SLC38A9: variants seen among roughly 807,000 people sequenced by gnomAD.
The protein encoded by SLC38A9 is neutral amino acid transporter 9.
SLC38A9 carries 48 observed loss-of-function variants against 62.3 expected under a neutral mutation model. The observed-to-expected ratio is 0.77, with a 90% CI of 0.61 to 0.98. SLC38A9 has a LOEUF of 0.98. Among genes scored for constraint, SLC38A9 ranks in the 50% least tolerant of loss-of-function variants. SLC38A9 has a pLI of 0.00. For synonymous variants in SLC38A9, 204 were observed against 227.7 expected (o/e 0.90, Z 0.94); for missense variants, 541 against 679.8 (o/e 0.80, Z 2.27).
intron 2 of SLC38A9, among the ~76,000 whole-genome samples, chr5:55,702,262 A>ATT (rs11316419): frequency 1.3e-4 from 19 of 147,652 alleles, no homozygotes; most frequent in African/African-American, 4.0e-4. Context: ...TTTAGCATTA[A>ATT]TTTTTTTTTT....
chr5:55,658,209 G>A (rs560845304), intron 8 of SLC38A9, among the ~76,000 whole-genome samples: 2 of 152,118 alleles, frequency 1.3e-5, no homozygotes, highest in Admixed American at 6.5e-5. Context: ...TGTCACCCAG[G>A]CTGGGGTAGA....
At position 55,664,138 on chromosome 5, in the gene SLC38A9, A is replaced by C. The variant is rs570193162; in HGVS notation, c.697+555T>G. ...ACATAGCAAGGCCCTGTCTCAAAAA[A>C]AGAAAAAAAAATTCATTAATTAAAA... On this transcript the variant is annotated intron_variant, in intron 8 of 15. Transcript: ENST00000396865. Among the ~76,000 whole-genome samples, 171 of 95,292 alleles carry C rather than the reference A, an allele frequency of 1.8e-3. 3 individuals carry two copies. The highest frequency in any genetic ancestry group is 6.1e-4 in the Non-Finnish European group (23 of 37,856). 62.5% of individuals were successfully genotyped at this position (95,292 alleles called of 152,430 possible).
chr5:55,674,844 T>G (rs1424613390), intron 3 of SLC38A9, among the ~76,000 whole-genome samples: 1 of 152,222 alleles, frequency 6.6e-6, no homozygotes, highest in African/African-American at 2.4e-5. Context: ...AGCATTATGA[T>G]GTCCAATATA....
intron 3 of SLC38A9, among the ~76,000 whole-genome samples, chr5:55,676,835 G>A (rs1231537067): frequency 7.5e-6 from 1 of 133,220 alleles, no homozygotes; most frequent in Non-Finnish European, 1.7e-5. Context: ...TTAATCGTCT[G>A]AGAAAGTAGT....
rs754003290 is a variant in SLC38A9 at position 55,633,872 on chromosome 5, T to TGTC, written c.1309_1311dup (p.Asp437dup). The TGTC allele has an allele frequency of 1.2e-6, 2 of 1,611,706 alleles. No individual in the cohort carries two copies. Among genetic ancestry groups the TGTC allele is most frequent in the Non-Finnish European group, 1.7e-6 (2 of 1,179,048 alleles). On this transcript the variant is annotated inframe_insertion, in exon 14 of 16. Transcript: ENST00000396865. ...AATATCCTTGCAATGAAGGACAGGG[T>TGTC]GTCACTGCTAGGGAAGTTGTCTAAA...
At chr5:55,647,840 G>T (rs1746660722) in intron 11 of SLC38A9, among the ~76,000 whole-genome samples, 1 of 152,182 alleles carries the variant, frequency 6.6e-6, no homozygotes, top group Non-Finnish European at 1.5e-5. Context: ...CCTACTTGAA[G>T]TGTACAACTA....
In SLC38A9 at chr5:55,626,331, A is replaced by G; in HGVS notation, c.*163T>C. On this transcript the variant is annotated 3_prime_UTR_variant, in exon 16 of 16. Transcript: ENST00000396865. ...TCTTTTTGCCCCTTTCCCCACCCCA[A>G]TAAAAAAATACTCATTAAGGGGCCA... The G allele has an allele frequency of 3.3e-6, 2 of 607,016 alleles. No homozygotes were observed. Among genetic ancestry groups the G allele is most frequent in the South Asian group, 5.7e-5 (2 of 35,168 alleles). The allele number at this position is 607,016 out of a possible 1,614,324, so 37.6% of individuals were successfully genotyped here. A position where few individuals can be genotyped will look rare whatever the true frequency, so the allele number is the denominator to read the frequency against.
At chr5:55,666,401 T>G (rs541860065) in intron 7 of SLC38A9, among the ~76,000 whole-genome samples, 22 of 152,354 alleles carry the variant, frequency 1.4e-4, no homozygotes, top group African/African-American at 5.3e-4. Flanking sequence ...TCTTTTTTCC[T>G]CTATGATCCC....
intron 3 of SLC38A9, among the ~76,000 whole-genome samples, chr5:55,688,849 C>T (rs558024323): frequency 4.9e-4 from 75 of 152,164 alleles, no homozygotes; most frequent in African/African-American, 1.8e-3. Flanking sequence ...TGTATTTTAA[C>T]ATGTAAATTC....
chr5:55,632,619 C>T (rs1166292133), intron 14 of SLC38A9, among the ~76,000 whole-genome samples: 3 of 152,170 alleles, frequency 2.0e-5, no homozygotes, highest in Non-Finnish European at 2.9e-5. Flanking sequence ...ACTAGAATCC[C>T]TCTTCCCCAA....
Position 55,652,467 on chromosome 5 carries a change from T to TCC in SLC38A9, c.952+60_952+61dup, listed in dbSNP as rs202055052. 7.8e-3 allele frequency: 7,928 copies of TCC among 1,017,338 alleles called. 54 individuals are homozygous for TCC. The highest frequency in any genetic ancestry group is 9.8e-3 in the Non-Finnish European group (7,178 of 734,066). The allele number at this position is 1,017,338 out of a possible 1,614,324, so 63.0% of individuals were successfully genotyped here. On this transcript the variant is annotated intron_variant, in intron 10 of 15. Transcript: ENST00000396865. ...GGTAACTCCCCAATCAGACCATATT[T>TCC]CCCTAGACTCCACCACGTATTCTAT...
chr5:55,708,944 T>C (rs182040620), intron 2 of SLC38A9, among the ~76,000 whole-genome samples: 3 of 152,286 alleles, frequency 2.0e-5, no homozygotes, highest in Admixed American at 2.0e-4. Context: ...TAAAAGCAAA[T>C]GGAACCACAC....
At chr5:55,669,396 A>G in intron 6 of SLC38A9, 75 bp from the exon 7 acceptor site, 8 of 1,386,490 alleles carry the variant, frequency 5.8e-6, no homozygotes, top group Non-Finnish European at 8.0e-6. Context: ...ATTTTACCCT[A>G]AACAATCATG....
intron 12 of SLC38A9, among the ~76,000 whole-genome samples, chr5:55,636,591 T>TA (rs896551774): frequency 1.7e-4 from 26 of 152,288 alleles, no homozygotes; most frequent in South Asian, 6.2e-4. Context: ...GATAGCACAA[T>TA]AAAAAAACTG....
intron 2 of SLC38A9, among the ~76,000 whole-genome samples, chr5:55,705,550 G>A (rs1418716574): frequency 1.3e-5 from 2 of 151,918 alleles, no homozygotes; most frequent in Admixed American, 6.6e-5. Flanking sequence ...ATTGAAACCA[G>A]GTCACTTTGA....
At chr5:55,695,533 A>G (rs1200743369) in intron 3 of SLC38A9, among the ~76,000 whole-genome samples, 4 of 102,876 alleles carry the variant, frequency 3.9e-5, no homozygotes, top group African/African-American at 1.3e-4. Context: ...CCCTTAATCC[A>G]TTTAACTCTG....
chr5:55,695,202 A>C (rs1356596007), intron 3 of SLC38A9, among the ~76,000 whole-genome samples: 1 of 151,940 alleles, frequency 6.6e-6, no homozygotes, highest in East Asian at 1.9e-4. Context: ...AAATCCTCTA[A>C]ATCTTATTTT....
At chr5:55,645,741 A>T in intron 12 of SLC38A9, 48 bp downstream of exon 12, 1 of 1,318,538 alleles carries the variant, frequency 7.6e-7, no homozygotes, top group East Asian at 2.4e-5. Context: ...GACTTAAAAA[A>T]TTTATCCTCG....
At chr5:55,663,493 T>C (rs1039539316) in intron 8 of SLC38A9, among the ~76,000 whole-genome samples, 1 of 151,922 alleles carries the variant, frequency 6.6e-6, no homozygotes. Context: ...CCCAGCACTT[T>C]GGGAGGCCGA....
Sources: gnomAD v4.1 joint callset for allele counts (sites outside exome capture counted in the v4.1 genomes callset) on GRCh38, gnomAD v4.1.1 for gene constraint, MANE v1.5 for transcripts, NCBI Gene and HGNC (gene_info 2026-07-23, HGNC 2026-07-21) for gene names.